Variants in PTPRK observed in about 807,000 individuals in gnomAD.
PTPRK encodes the protein receptor-type tyrosine-protein phosphatase kappa.
In PTPRK, 75 loss-of-function variants were observed where a neutral mutation model predicts 178.0. The observed-to-expected ratio is 0.42, with a 90% CI of 0.35 to 0.51. The LOEUF is 0.51. Among genes scored for constraint, PTPRK ranks in the 20% least tolerant of loss-of-function variants. PTPRK has a pLI of 0.02. For synonymous variants in PTPRK, 637 were observed against 620.6 expected, an observed-to-expected ratio of 1.03 and a Z score of -0.39; for missense variants, 1,441 against 1,797.8, an observed-to-expected ratio of 0.80 and a Z score of 3.59.
At chr6:128,462,030 T>C (rs1443360815) in intron 1 of PTPRK, among the ~76,000 whole-genome samples, 2 of 152,304 alleles carry the variant, frequency 1.3e-5, no homozygotes, top group Admixed American at 6.5e-5. Context: ...GGTCTTGCGA[T>C]GTTGCCCAGG....
chr6:128,007,820 A>G (rs1388736712), intron 14 of PTPRK, among the ~76,000 whole-genome samples: 1 of 150,964 alleles, frequency 6.6e-6, no homozygotes, highest in East Asian at 1.9e-4. Flanking sequence ...TGTTTACTTA[A>G]GTCTCCAAAT....
chr6:128,417,363 A>G (rs772031184), intron 1 of PTPRK, among the ~76,000 whole-genome samples: 9 of 152,206 alleles, frequency 5.9e-5, no homozygotes, highest in Non-Finnish European at 7.3e-5. Context: ...GGATCATAAT[A>G]TTCTCCCTGC....
chr6:128,326,928 T>A (rs988399968), intron 2 of PTPRK, among the ~76,000 whole-genome samples: 2 of 152,104 alleles, frequency 1.3e-5, no homozygotes, highest in African/African-American at 4.8e-5. Context: ...GCGTGTTTTT[T>A]AAATCTTTTA....
intron 13 of PTPRK, among the ~76,000 whole-genome samples, chr6:128,028,436 C>T (rs1774699437): frequency 6.6e-6 from 1 of 152,172 alleles, no homozygotes; most frequent in Non-Finnish European, 1.5e-5. Context: ...GTCTTACAGC[C>T]CTTTCTCATA....
intron 2 of PTPRK, among the ~76,000 whole-genome samples, chr6:128,377,546 T>A (rs1837276398): frequency 6.6e-6 from 1 of 152,140 alleles, no homozygotes. Context: ...TATATATTTG[T>A]TAAATGAATA....
At position 128,092,123 on chromosome 6, in the gene PTPRK, C is replaced by T. The variant is rs1326774200; in HGVS notation, c.1163-2131G>A. On this transcript the variant is annotated intron_variant, in intron 7 of 29. Coordinates refer to ENST00000368226, the MANE Select transcript of PTPRK (RefSeq NM_002844.4). Reference sequence around the variant, plus strand: ...TTAGTCCTACACAATGTATATAAAGCACAATCATAATTTCAGTGACCAATA... The same window carrying T: ...TTAGTCCTACACAATGTATATAAAGTACAATCATAATTTCAGTGACCAATA... Among the ~76,000 whole-genome samples, 2 of 152,106 alleles carry T rather than the reference C, an allele frequency of 1.3e-5. 1 individual carries two copies. The highest frequency in any genetic ancestry group is 3.9e-4 in the East Asian group (2 of 5,194).
intron 1 of PTPRK, among the ~76,000 whole-genome samples, chr6:128,464,364 T>C (rs1397526357): frequency 6.6e-6 from 1 of 151,338 alleles, no homozygotes; most frequent in East Asian, 2.0e-4. Flanking sequence ...TTACTTAAGG[T>C]CCCTAGGACT....
intron 5 of PTPRK, among the ~76,000 whole-genome samples, chr6:128,226,447 C>T (rs1811305264): frequency 2.6e-5 from 4 of 152,074 alleles, no homozygotes; most frequent in Non-Finnish European, 5.9e-5. Flanking sequence ...CTTGTGAAGG[C>T]ATTTTGTGAA....
At chr6:128,271,989 A>C (rs6923988) in intron 3 of PTPRK, among the ~76,000 whole-genome samples, 21,955 of 152,020 alleles carry the variant, frequency 0.14, 1,887 homozygotes, top group Non-Finnish European at 0.2. Flanking sequence ...ACTATAATGA[A>C]GTTCTGCATG....
intron 7 of PTPRK, among the ~76,000 whole-genome samples, chr6:128,167,755 C>T (rs1031739104): frequency 6.6e-6 from 1 of 151,892 alleles, no homozygotes. Flanking sequence ...TTGCAATTAC[C>T]ACATGTTGTA....
At chr6:128,096,541 G>A (rs573618342) in intron 7 of PTPRK, among the ~76,000 whole-genome samples, 1 of 152,230 alleles carries the variant, frequency 6.6e-6, no homozygotes, top group East Asian at 1.9e-4. Flanking sequence ...TATTTCCCTA[G>A]AATCAGTTTT....
intron 1 of PTPRK, among the ~76,000 whole-genome samples, chr6:128,466,367 A>C (rs886638781): frequency 1.3e-5 from 2 of 152,368 alleles, no homozygotes; most frequent in Admixed American, 1.3e-4. Flanking sequence ...AGCTTAAAGA[A>C]GACAATAGCA....
intron 7 of PTPRK, among the ~76,000 whole-genome samples, chr6:128,104,289 C>T (rs553186744): frequency 1.3e-3 from 193 of 152,174 alleles, no homozygotes; most frequent in Non-Finnish European, 2.1e-3. Flanking sequence ...TACAGTGGTG[C>T]GATCTCGGCT....
chr6:127,995,062 A>G (rs1337889398), intron 18 of PTPRK, among the ~76,000 whole-genome samples: 8 of 151,976 alleles, frequency 5.3e-5, no homozygotes, highest in Non-Finnish European at 8.8e-5. Flanking sequence ...AAGAAAAGGG[A>G]AGGTGGTAAA....
rs79786444 is a variant in PTPRK at position 127,995,088 on chromosome 6, T to C, written c.2844+374A>G. On this transcript the variant is annotated intron_variant, in intron 18 of 29. Transcript: ENST00000368226. The stretch of plus-strand genomic sequence containing the variant: ...AGGTGGTAAAATAGATCTTTACGCA[T>C]GTGAAAGAATTACAAAAAAACGAAC... Among the ~76,000 whole-genome samples the C allele has an allele frequency of 2.7e-4, 41 of 152,042 alleles. No individual in the cohort carries two copies. In the East Asian group the frequency reaches 6.6e-3, roughly 24 times the overall value.
chr6:128,325,646 T>C (rs1245820521), intron 2 of PTPRK, among the ~76,000 whole-genome samples: 1 of 151,960 alleles, frequency 6.6e-6, no homozygotes, highest in Non-Finnish European at 1.5e-5. Context: ...GTTAGAATGG[T>C]GATCATTAAA....
chr6:128,118,787 T>C (rs1791981837), intron 7 of PTPRK, among the ~76,000 whole-genome samples: 1 of 152,190 alleles, frequency 6.6e-6, no homozygotes, highest in Non-Finnish European at 1.5e-5. Flanking sequence ...GCTTCCTATT[T>C]ATTCTATGGT....
At chr6:128,412,664 GA>G in intron 1 of PTPRK, among the ~76,000 whole-genome samples, 1 of 152,338 alleles carries the variant, frequency 6.6e-6, no homozygotes, top group South Asian at 2.1e-4. Flanking sequence ...TCTGCAGAAA[GA>G]AGATACATTT....
chr6:128,271,760 G>C (rs1371106284), intron 3 of PTPRK, among the ~76,000 whole-genome samples: 4 of 151,832 alleles, frequency 2.6e-5, no homozygotes, highest in African/African-American at 9.7e-5. Context: ...CAAGACTATA[G>C]ATGCATAATC....
Sources: allele counts gnomAD v4.1 joint callset (sites outside exome capture counted in the v4.1 genomes callset), GRCh38; gene constraint gnomAD v4.1.1; transcripts MANE v1.5; gene names NCBI Gene and HGNC (gene_info 2026-07-23, HGNC 2026-07-21).